The following SRGAP1 variants were observed in gnomAD, a reference collection of about 807,000 sequenced individuals.
The protein encoded by SRGAP1 is SLIT-ROBO Rho GTPase activating protein 1, also known as SLIT-ROBO Rho GTPase-activating protein 1.
SRGAP1 carries 43 observed loss-of-function variants against 121.9 expected under a neutral mutation model. The ratio of observed to expected loss-of-function variants is 0.35; its 90% confidence interval spans 0.28 to 0.46. The LOEUF is 0.46. SRGAP1 is among the 20% of genes least tolerant of loss of function. The probability of loss-of-function intolerance (pLI) is 1.00; values close to 1 mark genes in which losing one functional copy is unlikely to be tolerated. For missense variants in SRGAP1, 1,102 were observed against 1,350.9 expected (o/e 0.82, Z 2.89); for synonymous variants, 447 against 485.4 (o/e 0.92, Z 1.04).
At chr12:64,007,054 C>T (rs1307667812) in intron 3 of SRGAP1, among the ~76,000 whole-genome samples, 4 of 152,102 alleles carry the variant, frequency 2.6e-5, no homozygotes, top group African/African-American at 9.7e-5. Flanking sequence ...CAAGTGATTA[C>T]AAGTTACTGA....
intron 1 of SRGAP1, among the ~76,000 whole-genome samples, chr12:63,910,545 TG>T (rs1436980532): frequency 1.3e-5 from 2 of 152,170 alleles, no homozygotes; most frequent in African/African-American, 4.8e-5. Context: ...TTGCAAGCAT[TG>T]GGGTCTTTCT....
chr12:64,051,014 G>T (rs1489157151), intron 6 of SRGAP1, among the ~76,000 whole-genome samples: 2 of 152,190 alleles, frequency 1.3e-5, no homozygotes, highest in African/African-American at 4.8e-5. Context: ...TTGAGCCACT[G>T]TGCCCAGCCT....
At chr12:63,896,353 G>A (rs1900754516) in intron 1 of SRGAP1, among the ~76,000 whole-genome samples, 1 of 152,150 alleles carries the variant, frequency 6.6e-6, no homozygotes. Context: ...ATGTGTGACA[G>A]CCAAAGTTTT....
intron 15 of SRGAP1, among the ~76,000 whole-genome samples, chr12:64,108,256 T>C (rs900178043): frequency 3.9e-5 from 6 of 152,198 alleles, no homozygotes; most frequent in African/African-American, 1.4e-4. Context: ...AGAGGTAGCA[T>C]AACACTAGTC....
intron 6 of SRGAP1, among the ~76,000 whole-genome samples, chr12:64,062,268 C>T (rs1443072744): frequency 2.0e-5 from 3 of 152,070 alleles, no homozygotes; most frequent in Admixed American, 6.6e-5. Context: ...TGCATTTCTC[C>T]GATTATCATT....
At chr12:64,018,448 T>C (rs2034464802) in intron 4 of SRGAP1, among the ~76,000 whole-genome samples, 1 of 152,204 alleles carries the variant, frequency 6.6e-6, no homozygotes, top group Admixed American at 6.5e-5. Flanking sequence ...TTTCTTGATT[T>C]ACCAATTCCA....
intron 1 of SRGAP1, among the ~76,000 whole-genome samples, chr12:63,947,348 C>A (rs1050057987): frequency 2.0e-5 from 3 of 152,100 alleles, no homozygotes; most frequent in African/African-American, 7.2e-5. Context: ...GTATTGGTAT[C>A]TTATTGTGGC....
intron 15 of SRGAP1, among the ~76,000 whole-genome samples, chr12:64,104,098 A>G (rs2036301244): frequency 6.6e-6 from 1 of 152,230 alleles, no homozygotes; most frequent in South Asian, 2.1e-4. Flanking sequence ...CTGGCAAACA[A>G]ATACTTCTAC....
chr12:63,983,978 A>T lies in SRGAP1; in HGVS notation c.99A>T (p.Lys33Asn). The T allele has an allele frequency of 6.5e-7, 1 of 1,545,024 alleles. No homozygotes were observed. The highest frequency in any genetic ancestry group is 8.8e-7 in the Non-Finnish European group (1 of 1,137,458). The change falls in exon 2 of 22, where the codon AAA becomes AAT. Residue 33 changes from lysine to asparagine, a missense_variant. Around this residue, in one of 3 missense-constraint regions of SRGAP1, gnomAD observed 747 missense variants for 929.4 expected, o/e 0.80. Transcript: ENST00000355086. ...EIRAQLVEQQ[K>N]CLEQQTEMRV... ...GAGCTCAACTGGTAGAACAACAAAA[A>T]TGCCTGGAGCAGCAAACGGAGATGC... is the stretch of plus-strand genomic sequence containing the variant.
Position 64,152,130 on chromosome 12 carries a change from C to T in SRGAP1, c.*9458C>T, listed in dbSNP as rs896502559. On this transcript the variant is annotated 3_prime_UTR_variant, in exon 22 of 22. Coordinates refer to ENST00000355086, the MANE Select transcript of SRGAP1 (RefSeq NM_020762.4). ...TGTACCATGTACTGACATCGTTTTC[C>T]TCAACACGTTGCATGTCAATAGCCA... The T allele has an allele frequency of 6.6e-6, 1 of 152,166 alleles. No individual in the cohort carries two copies. The highest frequency in any genetic ancestry group is 2.4e-5 in the African/African-American group (1 of 41,438). 9.4% of individuals were successfully genotyped at this position (152,166 alleles called of 1,614,324 possible). A position where few individuals can be genotyped will look rare whatever the true frequency, so the allele number is the denominator to read the frequency against.
At chr12:64,057,640 T>G (rs1202377722) in intron 6 of SRGAP1, among the ~76,000 whole-genome samples, 1 of 152,174 alleles carries the variant, frequency 6.6e-6, no homozygotes, top group Admixed American at 6.6e-5. Context: ...CCAATATCCA[T>G]GGCTTTAGAA....
intron 8 of SRGAP1, among the ~76,000 whole-genome samples, chr12:64,072,108 CTGTGTGTGTGTGTGTG>C (rs66959510): frequency 7.5e-5 from 6 of 80,366 alleles, no homozygotes; most frequent in Admixed American, 1.5e-4. Flanking sequence ...CAATCTCTCT[CTGTGTGTGTGTGTGTG>C]TGTGTGTGTG....
chr12:64,142,484 A>T lies in SRGAP1; in HGVS notation c.3070A>T (p.Ile1024Phe). The T allele has an allele frequency of 6.2e-7, 1 of 1,614,154 alleles. No homozygotes were observed. The highest frequency in any genetic ancestry group is 8.5e-7 in the Non-Finnish European group (1 of 1,180,024). The change falls in exon 22 of 22, where the codon ATT becomes TTT. Residue 1024 changes from isoleucine to phenylalanine, a missense_variant. Around this residue, in one of 3 missense-constraint regions of SRGAP1, gnomAD observed 315 missense variants for 343.1 expected, o/e 0.92. Transcript: ENST00000355086. ...TGCCCTCAGGAGCTCCGAGCCTCAG[A>T]TTCGACGTAGCACGAGCTCCTCCAG... ...NVALRSSEPQ[I>F]RRSTSSSSDT...
rs538924306 is a variant in SRGAP1, at chr12:63,921,487, A to G, written c.68-62460A>G. Reference sequence around the variant, plus strand: ...CTTTGTTTCTTGAAGGCACAAATTCATTTCCCTTCCTGGGCGTTTGCACAG... The same window carrying G: ...CTTTGTTTCTTGAAGGCACAAATTCGTTTCCCTTCCTGGGCGTTTGCACAG... On this transcript the variant is annotated intron_variant, in intron 1 of 21. Transcript: ENST00000355086. Among the ~76,000 whole-genome samples, 4 of 152,104 alleles carry G rather than the reference A, an allele frequency of 2.6e-5. No homozygotes were observed. In the East Asian group the frequency reaches 7.7e-4, roughly 29 times the overall value.
At chr12:63,898,803 T>C (rs74931313) in intron 1 of SRGAP1, among the ~76,000 whole-genome samples, 12,336 of 152,258 alleles carry the variant, frequency 0.081, 561 homozygotes, top group East Asian at 0.13. Context: ...AGAAAACATT[T>C]AAGTTTGAAT....
chr12:63,852,086 A>C (rs1018281314), intron 1 of SRGAP1, among the ~76,000 whole-genome samples: 34 of 152,230 alleles, frequency 2.2e-4, no homozygotes, highest in African/African-American at 8.2e-4. Flanking sequence ...CAACCTCCCC[A>C]GGCTCAGGTG....
intron 1 of SRGAP1, among the ~76,000 whole-genome samples, chr12:63,894,702 A>G (rs930748218): frequency 6.6e-6 from 1 of 151,904 alleles, no homozygotes; most frequent in Non-Finnish European, 1.5e-5. Context: ...ATTCCCACCT[A>G]TGAGTGAGAA....
At chr12:64,095,251 C>T in intron 14 of SRGAP1, 47 bp downstream of exon 14, 1 of 1,559,926 alleles carries the variant, frequency 6.4e-7, no homozygotes, top group South Asian at 1.1e-5. Context: ...GAAAAGTCAT[C>T]ATGTTCTGTA....
Position 64,095,135 on chromosome 12 carries a change from C to T in SRGAP1, c.1609C>T (p.His537Tyr). ...IRFINLYGLQ[H>Y]QGIFRVSGSQ... ...CCTTCTTTTCTCTTTAGGTCTTCAG[C>T]ATCAGGGGATTTTCAGAGTGTCTGG... Residue 537 changes from histidine (H) to tyrosine (Y), a missense_variant, in exon 14 of 22, where the codon CAT becomes TAT. Physicochemically the swap from His to Tyr is moderately conservative, Grantham distance 83. Coordinates refer to ENST00000355086, the MANE Select transcript of SRGAP1 (RefSeq NM_020762.4). 6.2e-7 allele frequency: 1 copy of T among 1,614,036 alleles called. No homozygotes were observed. The highest frequency in any genetic ancestry group is 1.1e-5 in the South Asian group (1 of 91,070).
Sources: gnomAD v4.1 joint callset for allele counts (sites outside exome capture counted in the v4.1 genomes callset) on GRCh38, gnomAD v4.1.1 for gene constraint, gnomAD v4.1.1 regional missense constraint, MANE v1.5 for transcripts, NCBI Gene and HGNC (gene_info 2026-07-23, HGNC 2026-07-21) for gene names.